CTNNA2: variants seen among roughly 807,000 people sequenced by gnomAD.
CTNNA2 encodes the protein catenin alpha 2.
Under a neutral mutation model 101.0 loss-of-function variants are expected in CTNNA2, and 42 were observed. That is an observed-to-expected ratio of 0.42 (90% CI 0.32 to 0.54). The LOEUF is 0.54. Ranked by LOEUF, CTNNA2 falls within the 20% of genes least tolerant of loss-of-function variation. The pLI is 0.14. For missense variants in CTNNA2, 871 were observed against 1,223.1 expected (o/e 0.71, Z 4.29); for synonymous variants, 450 against 456.4 (o/e 0.99, Z 0.18).
intron 2 of CTNNA2, among the ~76,000 whole-genome samples, chr2:79,295,052 T>G (rs888319771): frequency 1.1e-4 from 17 of 152,168 alleles, no homozygotes; most frequent in Middle Eastern, 6.8e-3. Flanking sequence ...TATGCTCATC[T>G]TCAGGTTTCA....
At chr2:79,786,619 A>G (rs1457516593) in intron 3 of CTNNA2, among the ~76,000 whole-genome samples, 1 of 152,126 alleles carries the variant, frequency 6.6e-6, no homozygotes, top group Admixed American at 6.6e-5. Context: ...AGAATACACT[A>G]AGAAATTCAG....
intron 7 of CTNNA2, among the ~76,000 whole-genome samples, chr2:80,041,474 C>T (rs1459310826): frequency 1.2e-4 from 18 of 151,906 alleles, no homozygotes; most frequent in Non-Finnish European, 1.5e-5. Flanking sequence ...TAGAAAGCAC[C>T]CAATATAACT....
intron 4 of CTNNA2, among the ~76,000 whole-genome samples, chr2:79,446,399 G>A (rs542211462): frequency 6.6e-6 from 1 of 152,066 alleles, no homozygotes; most frequent in Non-Finnish European, 1.5e-5. Context: ...TACTCAGAAA[G>A]CACAGTGACA....
chr2:80,589,901 T>C (rs930868430), intron 15 of CTNNA2, among the ~76,000 whole-genome samples: 109 of 140,548 alleles, frequency 7.8e-4, no homozygotes, highest in African/African-American at 1.7e-3. Flanking sequence ...TGTGTGTGTG[T>C]GTGTGCGCGC....
intron 13 of CTNNA2, among the ~76,000 whole-genome samples, chr2:80,580,219 TGACA>T (rs1695410411): frequency 6.6e-6 from 1 of 152,204 alleles, no homozygotes; most frequent in Admixed American, 6.6e-5. Flanking sequence ...GAAAAAACGT[TGACA>T]GACACATACA....
chr2:79,485,070 T>A (rs1024123086), intron 4 of CTNNA2, among the ~76,000 whole-genome samples: 2 of 152,186 alleles, frequency 1.3e-5, no homozygotes, highest in African/African-American at 4.8e-5. Flanking sequence ...TGTTTATCTA[T>A]ATGAAGGTTA....
intron 7 of CTNNA2, among the ~76,000 whole-genome samples, chr2:80,075,738 ATAT>A (rs541582466): frequency 3.4e-4 from 42 of 125,194 alleles, no homozygotes; most frequent in South Asian, 2.5e-3. Context: ...ACTTGTATAA[ATAT>A]TATAAAAATA....
rs114171306 is a variant in CTNNA2, at chr2:79,995,435, A to T, written c.1056+85638A>T. On this transcript the variant is annotated intron_variant, in intron 7 of 18. Coordinates refer to ENST00000402739, the MANE Select transcript of CTNNA2 (RefSeq NM_001282597.3). ...CATCTAGCATCTATATTCTAGAATC[A>T]TTTTTCCCTATGATGGTCAAATCCA... 3.0e-3 allele frequency among the ~76,000 whole-genome samples: 457 copies of T among 152,230 alleles called. 1 individual carries two copies. Among genetic ancestry groups the T allele is most frequent in the African/African-American group, 0.01 (433 of 41,542 alleles).
chr2:80,250,442 G>A (rs1410361571), intron 7 of CTNNA2, among the ~76,000 whole-genome samples: 1 of 152,160 alleles, frequency 6.6e-6, no homozygotes, highest in Non-Finnish European at 1.5e-5. Context: ...AAGAGAAGCA[G>A]GCTGAGGATG....
At chr2:80,116,632 A>G (rs1701538899) in intron 7 of CTNNA2, among the ~76,000 whole-genome samples, 1 of 152,170 alleles carries the variant, frequency 6.6e-6, no homozygotes. Flanking sequence ...TTAGAAATAG[A>G]GAAGAGAGCA....
intron 7 of CTNNA2, among the ~76,000 whole-genome samples, chr2:80,028,723 G>A (rs912665846): frequency 7.9e-5 from 12 of 152,202 alleles, no homozygotes; most frequent in African/African-American, 2.9e-4. Flanking sequence ...TTTAAATGTG[G>A]AAGAGGGAAG....
intron 3 of CTNNA2, among the ~76,000 whole-genome samples, chr2:79,342,269 T>A (rs1285604712): frequency 6.6e-6 from 1 of 152,184 alleles, no homozygotes; most frequent in Non-Finnish European, 1.5e-5. Flanking sequence ...TATCAGAGAT[T>A]GAAATAGATT....
intron 4 of CTNNA2, among the ~76,000 whole-genome samples, chr2:79,867,116 C>G (rs555817255): frequency 2.5e-4 from 38 of 152,202 alleles, no homozygotes; most frequent in African/African-American, 9.1e-4. Flanking sequence ...GTCCTGAACT[C>G]CTCCATGAAC....
At chr2:79,668,643 CTCTT>C (rs1269162827) in intron 2 of CTNNA2, among the ~76,000 whole-genome samples, 1 of 152,160 alleles carries the variant, frequency 6.6e-6, no homozygotes, top group African/African-American at 2.4e-5. Flanking sequence ...ATTTATATAA[CTCTT>C]TCCACAATTT....
rs145477872 is a variant in CTNNA2 at position 80,122,014 on chromosome 2, G to A, written c.1056+212217G>A. Among the ~76,000 whole-genome samples the A allele has an allele frequency of 5.6e-3, 847 of 152,236 alleles. 7 individuals are homozygous for A. Among genetic ancestry groups the A allele is most frequent in the Middle Eastern group, 0.024 (7 of 294 alleles). On this transcript the variant is annotated intron_variant, in intron 7 of 18. Transcript: ENST00000402739. Reference sequence around the variant, plus strand: ...CCACAGCCTAGCACTCAGTTTCCTCGGCTTGGTCACAAATGCAGAATCTTG... The same window carrying A: ...CCACAGCCTAGCACTCAGTTTCCTCAGCTTGGTCACAAATGCAGAATCTTG...
intron 7 of CTNNA2, among the ~76,000 whole-genome samples, chr2:80,091,562 G>T (rs1181795484): frequency 2.6e-5 from 4 of 152,058 alleles, no homozygotes; most frequent in Non-Finnish European, 5.9e-5. Flanking sequence ...CTGCAGTCTG[G>T]TATAAATCAG....
intron 7 of CTNNA2, among the ~76,000 whole-genome samples, chr2:80,369,608 G>A (rs1675269091): frequency 6.6e-6 from 1 of 152,100 alleles, no homozygotes; most frequent in Admixed American, 6.6e-5. Flanking sequence ...CCATGAATAT[G>A]TTACCTTATA....
chr2:79,799,469 G>A (rs1462503032), intron 3 of CTNNA2, among the ~76,000 whole-genome samples: 1 of 152,068 alleles, frequency 6.6e-6, no homozygotes, highest in Non-Finnish European at 1.5e-5. Context: ...GTCCAGAAAG[G>A]CATGTAGAAA....
chr2:80,402,292 T>C (rs528700499), intron 8 of CTNNA2, among the ~76,000 whole-genome samples: 3 of 152,328 alleles, frequency 2.0e-5, no homozygotes, highest in South Asian at 2.1e-4. Flanking sequence ...CCAATAGATT[T>C]CCAAACTCTG....
Sources: gnomAD v4.1 joint callset for allele counts (sites outside exome capture counted in the v4.1 genomes callset) on GRCh38, gnomAD v4.1.1 for gene constraint, MANE v1.5 for transcripts, NCBI Gene and HGNC (gene_info 2026-07-23, HGNC 2026-07-21) for gene names.